The following TCF3 variants were observed in gnomAD, a reference collection of about 807,000 sequenced individuals.
TCF3 encodes the protein transcription factor 3.
Under a neutral mutation model 72.3 loss-of-function variants are expected in TCF3, and 54 were observed. The ratio of observed to expected loss-of-function variants is 0.75; its 90% CI spans 0.60 to 0.94. TCF3 has a LOEUF of 0.94. TCF3 is among the 40% of genes least tolerant of loss of function. The pLI is 0.00. For synonymous variants in TCF3, 525 were observed against 412.6 expected (o/e 1.27, Z -3.30); for missense variants, 1,078 against 934.4 (o/e 1.15, Z -2.00).
chr19:1,619,093 C>G lies in TCF3; in HGVS notation c.1450+18G>C, dbSNP rs372983036. 6 of 1,598,944 alleles carry G rather than the reference C, an allele frequency of 3.8e-6. No homozygotes were observed. The African/African-American group carries it at 8.0e-5, about 21-fold the overall frequency. On this transcript the variant is annotated intron_variant, in intron 16 of 18. Transcript: ENST00000262965. ...AACTGGAACCAGGAGTCGGACAGTC[C>G]CAAGCTCAAGGGCTTACCACTGTAG...
At chr19:1,624,950 AT>A (rs2062704858) in intron 7 of TCF3, among the ~76,000 whole-genome samples, 2 of 152,180 alleles carry the variant, frequency 1.3e-5, no homozygotes, top group Admixed American at 1.3e-4. Context: ...GGGTCAAACC[AT>A]CCTCCTGCCT....
rs758278357 is a variant in TCF3 at position 1,615,658 on chromosome 19, TG to T, written c.1586+27del. On this transcript the variant is annotated intron_variant, in intron 17 of 18. Coordinates refer to ENST00000262965, the MANE Select transcript of TCF3 (RefSeq NM_003200.5). This position sits in a 1 kb window ranked among gnomAD's most constrained non-coding sequence, Gnocchi z 7.3. The stretch of plus-strand genomic sequence containing the variant: ...CATGTGCGTCCTGATGGGGTGAGGG[TG>T]GGGAGTGCCGAGGGGTGGGTTGGCA... The T allele has an allele frequency of 9.8e-6, 13 of 1,323,258 alleles. No individual in the cohort carries two copies. Among genetic ancestry groups the T allele is most frequent in the Middle Eastern group, 2.0e-4 (1 of 5,006 alleles). The allele number at this position is 1,323,258 out of a possible 1,614,324, so 82.0% of individuals were successfully genotyped here. A position where few individuals can be genotyped will look rare whatever the true frequency, so the allele number is the denominator to read the frequency against.
chr19:1,642,151 CACACACACACACACGCACGCGT>C (rs1395419319), intron 3 of TCF3, among the ~76,000 whole-genome samples: 3 of 151,508 alleles, frequency 2.0e-5, no homozygotes, highest in Admixed American at 1.3e-4. Context: ...CACACACACA[CACACACACACACACGCACGCGT>C]ACACACACGC....
chr19:1,648,820 G>A (rs902414943), intron 2 of TCF3, among the ~76,000 whole-genome samples: 8 of 106,834 alleles, frequency 7.5e-5, no homozygotes, highest in Non-Finnish European at 1.0e-4. Flanking sequence ...CTGGGCATGG[G>A]GGGGGGGGGG....
Position 1,611,443 on chromosome 19 carries a change from G to T in TCF3, c.*264C>A. ...TGCAGTTTCAGGATCCATGGGACAG[G>T]TCACAGAGTGACACGGTGGCTGAGA... On this transcript the variant is annotated 3_prime_UTR_variant, in exon 19 of 19. Transcript: ENST00000262965. 2.2e-6 allele frequency: 1 copy of T among 462,510 alleles called. No homozygotes were observed. Among genetic ancestry groups the T allele is most frequent in the Non-Finnish European group, 3.8e-6 (1 of 264,080 alleles). 28.7% of individuals were successfully genotyped at this position (462,510 alleles called of 1,614,324 possible). A position where few individuals can be genotyped will look rare whatever the true frequency, so the allele number is the denominator to read the frequency against.
intron 6 of TCF3, among the ~76,000 whole-genome samples, chr19:1,626,932 G>A (rs890649941): frequency 1.3e-5 from 2 of 152,116 alleles, no homozygotes; most frequent in Non-Finnish European, 2.9e-5. Context: ...AGCACCGGAG[G>A]CTGCATGGGA....
rs769618130 is a variant in TCF3 at position 1,619,347 on chromosome 19, G to T, written c.1295C>A (p.Pro432His). The T allele has an allele frequency of 3.8e-6, 6 of 1,583,744 alleles. No individual in the cohort carries two copies. The highest frequency in any genetic ancestry group is 5.1e-6 in the Non-Finnish European group (6 of 1,171,382). Reference protein sequence around the residue: ...HGALASGFTGPMSLGGRHAGL... With the variant: ...HGALASGFTGHMSLGGRHAGL... ...TGCGTGCCGCCCGCCCAGTGACATG[G>T]GGCCGGTGAAACCTGAGGCCAGCGC... The change falls in exon 15 of 19, where the codon CCC (proline) becomes CAC (histidine). Residue 432 changes from proline (P) to histidine (H), a missense_variant. By Grantham distance (77) the Pro-to-His change is moderately conservative. Transcript: ENST00000262965.
chr19:1,641,887 C>G (rs1423143430), intron 3 of TCF3, among the ~76,000 whole-genome samples: 1 of 152,006 alleles, frequency 6.6e-6, no homozygotes, highest in Admixed American at 6.6e-5. Flanking sequence ...AGCCGCTGAC[C>G]CAGCCCTCTA....
intron 13 of TCF3, 35 bp from the exon 14 acceptor site, chr19:1,619,888 G>A (rs746307674): frequency 4.6e-6 from 7 of 1,530,036 alleles, no homozygotes; most frequent in Non-Finnish European, 5.3e-6. Context: ...GGGGTGCGAG[G>A]GGCGGGGTGT....
Position 1,650,528 on chromosome 19 carries a change from G to T in TCF3, c.-39-241C>A, listed in dbSNP as rs374670198. On this transcript the variant is annotated intron_variant, in intron 1 of 18. Transcript: ENST00000262965. ...GAGACCACAGGGAGTCTGAAAAATG[G>T]GGGGAGGGTGTGCAAATATAAACTC... 79 of 410,710 alleles carry T rather than the reference G, an allele frequency of 1.9e-4. No homozygotes were observed. The South Asian group carries it at 4.1e-3, about 21-fold the overall frequency. The allele number at this position is 410,710 out of a possible 1,614,324, so 25.4% of individuals were successfully genotyped here. A position where few individuals can be genotyped will look rare whatever the true frequency, so the allele number is the denominator to read the frequency against.
chr19:1,611,934 G>GGT (rs1369397666), intron 18 of TCF3, 85 bp from the exon 19 acceptor site: 6 of 219,058 alleles, frequency 2.7e-5, no homozygotes, highest in African/African-American at 1.5e-4. Context: ...GGATGTCGGG[G>GGT]GGGGGGGTGG....
Position 1,615,837 on chromosome 19 carries a change from G to T in TCF3, c.1451-16C>A. On this transcript the variant is annotated splice_polypyrimidine_tract_variant and intron_variant, in intron 16 of 18. Coordinates refer to ENST00000262965, the MANE Select transcript of TCF3 (RefSeq NM_003200.5). This position sits in a 1 kb window ranked among gnomAD's most constrained non-coding sequence, Gnocchi z 7.3. ...CGCCCTAGCCCTGCAACAGGCCTAG[G>T]GTCAGGGGCCTGCGTCGGCCTCCAG... is the stretch of plus-strand genomic sequence containing the variant. The T allele has an allele frequency of 2.0e-6, 3 of 1,525,676 alleles. No individual in the cohort carries two copies. The highest frequency in any genetic ancestry group is 2.3e-5 in the East Asian group (1 of 43,848). The allele number at this position is 1,525,676 out of a possible 1,614,324, so 94.5% of individuals were successfully genotyped here. A position where few individuals can be genotyped will look rare whatever the true frequency, so the allele number is the denominator to read the frequency against.
chr19:1,622,145 G>A lies in TCF3; in HGVS notation c.731C>T (p.Ser244Leu), dbSNP rs2062317058. The A allele has an allele frequency of 2.5e-6, 4 of 1,585,280 alleles. No homozygotes were observed. Among genetic ancestry groups the A allele is most frequent in the Non-Finnish European group, 3.4e-6 (4 of 1,168,268 alleles). Residue 244 changes from serine (S) to leucine (L), a missense_variant, in exon 10 of 19, where the codon TCA (serine) becomes TTA (leucine). Ser to Leu is a moderately radical substitution (Grantham distance 145). Coordinates refer to ENST00000262965, the MANE Select transcript of TCF3 (RefSeq NM_003200.5). ...AGFGPMLGGG[S>L]SPLPLPPGSG... is the part of the protein sequence containing the mutation. ...ACCGGGCGGGAGGGGCAGCGGGGAT[G>A]AGCCCCCACCCAGCATGGGCCCGAA...
At chr19:1,638,105 C>T (rs1000925481) in intron 3 of TCF3, among the ~76,000 whole-genome samples, 3 of 152,138 alleles carry the variant, frequency 2.0e-5, no homozygotes, top group Admixed American at 6.5e-5. Flanking sequence ...CATTTAATTA[C>T]GAATCAAGAG....
chr19:1,649,431 G>T (rs1052041512), intron 2 of TCF3, among the ~76,000 whole-genome samples: 1 of 152,172 alleles, frequency 6.6e-6, no homozygotes. Context: ...CTTCTTTGAG[G>T]AAGGATCTTA....
intron 3 of TCF3, among the ~76,000 whole-genome samples, chr19:1,636,396 A>C (rs548536982): frequency 6.6e-6 from 1 of 152,212 alleles, no homozygotes; most frequent in African/African-American, 2.4e-5. Context: ...CCAGACCTCA[A>C]GTGATCCGTC....
chr19:1,625,434 G>T, intron 7 of TCF3, 142 bp downstream of exon 7: 2 of 1,137,606 alleles, frequency 1.8e-6, no homozygotes, highest in Non-Finnish European at 1.1e-6. Flanking sequence ...CCCTCCCACG[G>T]CCCGAGCGCC....
At position 1,615,658 on chromosome 19, in the gene TCF3, T is replaced by C. The variant is rs1555718407; in HGVS notation, c.1586+28A>G. The C allele has an allele frequency of 3.8e-6, 5 of 1,323,368 alleles. No individual in the cohort carries two copies. Among genetic ancestry groups the C allele is most frequent in the Non-Finnish European group, 5.2e-6 (5 of 969,648 alleles). The allele number at this position is 1,323,368 out of a possible 1,614,324, so 82.0% of individuals were successfully genotyped here. ...CATGTGCGTCCTGATGGGGTGAGGG[T>C]GGGGAGTGCCGAGGGGTGGGTTGGC... is the stretch of plus-strand genomic sequence containing the variant. On this transcript the variant is annotated intron_variant, in intron 17 of 18. Coordinates refer to ENST00000262965, the MANE Select transcript of TCF3 (RefSeq NM_003200.5). The surrounding 1 kb of genome is among the most constrained non-coding windows in gnomAD (Gnocchi z 7.3).
Position 1,611,475 on chromosome 19 carries a change from G to C in TCF3, c.*232C>G, listed in dbSNP as rs1177323914. Reference sequence around the variant, plus strand: ...AGTGACACGGTGGCTGAGATTCGGGGACAGGGGGAGCGAGGCCAGTGAGTG... The same window carrying C: ...AGTGACACGGTGGCTGAGATTCGGGCACAGGGGGAGCGAGGCCAGTGAGTG... On this transcript the variant is annotated 3_prime_UTR_variant, in exon 19 of 19. Transcript: ENST00000262965. The C allele has an allele frequency of 2.0e-6, 1 of 502,594 alleles. No individual in the cohort carries two copies. Among genetic ancestry groups the C allele is most frequent in the Non-Finnish European group, 3.5e-6 (1 of 289,470 alleles). 31.1% of individuals were successfully genotyped at this position (502,594 alleles called of 1,614,324 possible).
Sources: gnomAD v4.1 joint callset for allele counts (sites outside exome capture counted in the v4.1 genomes callset) on GRCh38, gnomAD v4.1.1 for gene constraint, Gnocchi (gnomAD v3.1) non-coding constraint, MANE v1.5 for transcripts, NCBI Gene and HGNC (gene_info 2026-07-23, HGNC 2026-07-21) for gene names.